RGS2: variants seen among roughly 807,000 people sequenced by gnomAD.
RGS2 encodes the protein regulator of G protein signaling 2, also known as G0 to G1 switch regulatory 8, 24kD.
A neutral mutation model predicts 26.6 loss-of-function variants in RGS2; 20 were observed. That is an observed-to-expected ratio of 0.75 (90% CI 0.53 to 1.09). The LOEUF is 1.09. Ranked by LOEUF, RGS2 falls within the 50% of genes least tolerant of loss-of-function variation. The probability of loss-of-function intolerance (pLI) is 0.00; values close to 1 mark genes in which losing one functional copy is unlikely to be tolerated. For missense variants in RGS2, 246 were observed against 245.5 expected (o/e 1.00, Z -0.01); for synonymous variants, 97 against 79.9 (o/e 1.21, Z -1.14).
rs757460149 is a variant in RGS2 at position 192,811,399 on chromosome 1, C to G, written c.442-3C>G. ...AATAAACAACTTTTTTGTTTTATTT[C>G]AGATAAACATAGATTTTCAAACCAA... On this transcript the variant is annotated splice_region_variant and splice_polypyrimidine_tract_variant and intron_variant, in intron 4 of 4. Transcript: ENST00000235382. 5 of 1,607,754 alleles carry G rather than the reference C, an allele frequency of 3.1e-6. No individual in the cohort carries two copies. In the South Asian group the frequency reaches 5.5e-5, roughly 18 times the overall value.
In RGS2 at chr1:192,812,007, G is replaced by T; in HGVS notation, c.*411G>T. On this transcript the variant is annotated 3_prime_UTR_variant, in exon 5 of 5. Coordinates refer to ENST00000235382, the MANE Select transcript of RGS2 (RefSeq NM_002923.4). ...GTTACCACATAGTAGTTTTAGTTTAGGATTCAGTAACAGTGAAGTGTTTAC... is the reference window on the plus strand; with the variant it reads ...GTTACCACATAGTAGTTTTAGTTTATGATTCAGTAACAGTGAAGTGTTTAC... The T allele has an allele frequency of 3.7e-6, 1 of 269,216 alleles. No homozygotes were observed. The highest frequency in any genetic ancestry group is 2.2e-5 in the African/African-American group (1 of 45,212). 16.7% of individuals were successfully genotyped at this position (269,216 alleles called of 1,614,324 possible).
At chr1:192,810,454 G>A in intron 3 of RGS2, 23 bp downstream of exon 3, 2 of 1,611,052 alleles carry the variant, frequency 1.2e-6, no homozygotes, top group Non-Finnish European at 1.7e-6. Flanking sequence ...TTGAGCTTGA[G>A]CCATTGCTAA....
At position 192,811,457 on chromosome 1, in the gene RGS2, C is replaced by G. The variant is rs866905003; in HGVS notation, c.497C>G (p.Thr166Arg). The G allele has an allele frequency of 2.5e-6, 4 of 1,613,950 alleles. No homozygotes were observed. The African/African-American group carries it at 5.3e-5, about 22-fold the overall frequency. ...ATTGCCCAGAATATACAAGAAGCTA[C>G]AAGTGGCTGCTTTACAACTGCCCAG... ...TLIAQNIQEA[T>R]SGCFTTAQKR... The change falls in exon 5 of 5, where the codon ACA becomes AGA. Residue 166 changes from threonine (T) to arginine (R), a missense_variant. Coordinates refer to ENST00000235382, the MANE Select transcript of RGS2 (RefSeq NM_002923.4).
In RGS2 at chr1:192,809,055, C is replaced by G. The variant is rs564483322; in HGVS notation, c.-17C>G. On this transcript the variant is annotated 5_prime_UTR_variant, in exon 1 of 5. Coordinates refer to ENST00000235382, the MANE Select transcript of RGS2 (RefSeq NM_002923.4). The stretch of plus-strand genomic sequence containing the variant: ...CGCCCAGCCGCAAACAGCCGGGGCT[C>G]CAGCGGGAGAACGATAATGCAAAGT... 149 of 1,589,294 alleles carry G rather than the reference C, an allele frequency of 9.4e-5. No individual in the cohort carries two copies. The Admixed American group carries it at 2.4e-3, about 25-fold the overall frequency.
In RGS2 at chr1:192,810,418, G is replaced by T; in HGVS notation, c.261G>T (p.Leu87=). ...AQLWSEAFDE[L]LASKYGLAAF... ...TGTGGTCAGAAGCATTTGACGAGCTGCTAGCCAGCAAATGTAAGTTAACTC... is the reference window on the plus strand; with the variant it reads ...TGTGGTCAGAAGCATTTGACGAGCTTCTAGCCAGCAAATGTAAGTTAACTC... Residue 87 remains leucine (L), a synonymous_variant, in exon 3 of 5, where the codon CTG becomes CTT. Coordinates refer to ENST00000235382, the MANE Select transcript of RGS2 (RefSeq NM_002923.4). 6.2e-7 allele frequency: 1 copy of T among 1,614,054 alleles called. No individual in the cohort carries two copies. Among genetic ancestry groups the T allele is most frequent in the Non-Finnish European group, 8.5e-7 (1 of 1,179,974 alleles).
intron 2 of RGS2, 35 bp from the exon 3 acceptor site, chr1:192,810,335 T>C (rs766126102): frequency 3.1e-6 from 5 of 1,609,210 alleles, no homozygotes; most frequent in South Asian, 1.1e-5. Flanking sequence ...GGAACTCTGA[T>C]GTGCGTAAGC....
rs1392810073 is a variant in RGS2 at position 192,811,079 on chromosome 1, C to A, written c.373C>A (p.Pro125Thr). 17 of 1,613,950 alleles carry A rather than the reference C, an allele frequency of 1.1e-5. No homozygotes were observed. The highest frequency in any genetic ancestry group is 1.4e-5 in the Non-Finnish European group (17 of 1,180,010). ...ACEDFKKTKS[P>T]QKLSSKARKI... ...TGAAGACTTCAAAAAAACCAAATCACCCCAAAAGCTGTCCTCAAAAGCAAG... is the reference window on the plus strand; with the variant it reads ...TGAAGACTTCAAAAAAACCAAATCAACCCAAAAGCTGTCCTCAAAAGCAAG... The change falls in exon 4 of 5, where the codon CCC becomes ACC. Residue 125 changes from proline (P) to threonine (T), a missense_variant. By Grantham distance (38) the Pro-to-Thr change is conservative. Coordinates refer to ENST00000235382, the MANE Select transcript of RGS2 (RefSeq NM_002923.4).
intron 3 of RGS2, 165 bp downstream of exon 3, chr1:192,810,596 G>A: frequency 1.4e-6 from 1 of 708,684 alleles, no homozygotes; most frequent in South Asian, 1.5e-5. Flanking sequence ...ACAAATAAAT[G>A]CATATATTCT....
At position 192,811,090 on chromosome 1, in the gene RGS2, G is replaced by C; in HGVS notation, c.384G>C (p.Leu128=). The C allele has an allele frequency of 6.2e-7, 1 of 1,614,102 alleles. No homozygotes were observed. Among genetic ancestry groups the C allele is most frequent in the African/African-American group, 1.3e-5 (1 of 75,024 alleles). ...DFKKTKSPQK[L]SSKARKIYTD... ...AAAAAACCAAATCACCCCAAAAGCTGTCCTCAAAAGCAAGGAAAATATATA... is the reference window on the plus strand; with the variant it reads ...AAAAAACCAAATCACCCCAAAAGCTCTCCTCAAAAGCAAGGAAAATATATA... The change falls in exon 4 of 5, where the codon CTG becomes CTC. Residue 128 remains leucine, a synonymous_variant. Transcript: ENST00000235382.
At chr1:192,810,707 G>A in intron 3 of RGS2, 1 of 609,422 alleles carries the variant, frequency 1.6e-6, no homozygotes, top group South Asian at 2.0e-5. Flanking sequence ...TTTTCAAGAG[G>A]CTTAGTTCCC....
In RGS2 at chr1:192,811,618, A is replaced by T; in HGVS notation, c.*22A>T. ...ATGAAATGTAAAAGGGAGCCCAGAA[A>T]TGGAGGACATTTCATTCTTTTTCCT... On this transcript the variant is annotated 3_prime_UTR_variant, in exon 5 of 5. Transcript: ENST00000235382. 1 of 1,607,572 alleles carries T rather than the reference A, an allele frequency of 6.2e-7. No homozygotes were observed. Among genetic ancestry groups the T allele is most frequent in the Non-Finnish European group, 8.5e-7 (1 of 1,174,060 alleles).
At position 192,811,993 on chromosome 1, in the gene RGS2, G is replaced by C. The variant is rs1209961903; in HGVS notation, c.*397G>C. ...CTAAATCGATCCATGTTACCACATA[G>C]TAGTTTTAGTTTAGGATTCAGTAAC... On this transcript the variant is annotated 3_prime_UTR_variant, in exon 5 of 5. Coordinates refer to ENST00000235382, the MANE Select transcript of RGS2 (RefSeq NM_002923.4). 6.7e-5 allele frequency: 19 copies of C among 281,588 alleles called. No individual in the cohort carries two copies. The Admixed American group carries it at 9.2e-4, about 14-fold the overall frequency. 17.4% of individuals were successfully genotyped at this position (281,588 alleles called of 1,614,324 possible). A position where few individuals can be genotyped will look rare whatever the true frequency, so the allele number is the denominator to read the frequency against.
intron 2 of RGS2, 30 bp from the exon 3 acceptor site, chr1:192,810,340 G>T: frequency 6.2e-7 from 1 of 1,611,062 alleles, no homozygotes; most frequent in Non-Finnish European, 8.5e-7. Context: ...TCTGATGTGC[G>T]TAAGCTAACA....
In RGS2 at chr1:192,809,231, A is replaced by T. The variant is rs74716343; in HGVS notation, c.110+50A>T. 5.8e-4 allele frequency: 760 copies of T among 1,301,686 alleles called. 7 individuals carry two copies. The African/African-American group carries it at 8.6e-3, about 15-fold the overall frequency. 80.6% of individuals were successfully genotyped at this position (1,301,686 alleles called of 1,614,324 possible). A position where few individuals can be genotyped will look rare whatever the true frequency, so the allele number is the denominator to read the frequency against. On this transcript the variant is annotated intron_variant, in intron 1 of 4. Coordinates refer to ENST00000235382, the MANE Select transcript of RGS2 (RefSeq NM_002923.4). ...CCGCCACCCCCTGCCCCACACTGCAAGCTGCAAACGCGGTACTTTCGGGCT... is the reference window on the plus strand; with the variant it reads ...CCGCCACCCCCTGCCCCACACTGCATGCTGCAAACGCGGTACTTTCGGGCT...
At position 192,812,158 on chromosome 1, in the gene RGS2, A is replaced by G. The variant is rs1459962128; in HGVS notation, c.*562A>G. 6.3e-6 allele frequency: 1 copy of G among 159,250 alleles called. No homozygotes were observed. Among genetic ancestry groups the G allele is most frequent in the East Asian group, 1.8e-4 (1 of 5,470 alleles). 9.9% of individuals were successfully genotyped at this position (159,250 alleles called of 1,614,324 possible). A position where few individuals can be genotyped will look rare whatever the true frequency, so the allele number is the denominator to read the frequency against. On this transcript the variant is annotated 3_prime_UTR_variant, in exon 5 of 5. Coordinates refer to ENST00000235382, the MANE Select transcript of RGS2 (RefSeq NM_002923.4). ...TGATGTGTGAAATAGAATGAGTGCTATGGTGTTGAAAACTGCAGTGTCCGT... is the reference window on the plus strand; with the variant it reads ...TGATGTGTGAAATAGAATGAGTGCTGTGGTGTTGAAAACTGCAGTGTCCGT...
At chr1:192,809,617 G>T in intron 1 of RGS2, 1 of 290,028 alleles carries the variant, frequency 3.4e-6, no homozygotes, top group Non-Finnish European at 6.8e-6. Context: ...CACCCAGTCC[G>T]AATGTGGAAC....
intron 1 of RGS2, chr1:192,809,402 T>G (rs1411350967): frequency 3.6e-6 from 2 of 556,162 alleles, no homozygotes; most frequent in African/African-American, 1.9e-5. Flanking sequence ...CGGTGGTTGA[T>G]GCGCTAAGAA....
chr1:192,811,450 G>A lies in RGS2; in HGVS notation c.490G>A (p.Glu164Lys), dbSNP rs1665591001. ...TKTLIAQNIQ[E>K]ATSGCFTTAQ... ...AACTCTGATTGCCCAGAATATACAA[G>A]AAGCTACAAGTGGCTGCTTTACAAC... is the stretch of plus-strand genomic sequence containing the variant. The change falls in exon 5 of 5, where the codon GAA becomes AAA. Residue 164 changes from glutamate to lysine, a missense_variant. Physicochemically the swap from Glu to Lys is moderately conservative, Grantham distance 56. Transcript: ENST00000235382. 3 of 1,613,872 alleles carry A rather than the reference G, an allele frequency of 1.9e-6. No individual in the cohort carries two copies. Among genetic ancestry groups the A allele is most frequent in the Admixed American group, 1.7e-5 (1 of 59,988 alleles).
In RGS2 at chr1:192,811,908, CAT is replaced by C; in HGVS notation, c.*313_*314del. On this transcript the variant is annotated 3_prime_UTR_variant, in exon 5 of 5. Transcript: ENST00000235382. ...CAATGTAATACTGTTGGTCCAAAAG[CAT>C]TTAAAATCAATAGATCTGGGATTAT... is the stretch of plus-strand genomic sequence containing the variant. 1.6e-5 allele frequency: 6 copies of C among 386,160 alleles called. No homozygotes were observed. Among genetic ancestry groups the C allele is most frequent in the South Asian group, 1.5e-4 (6 of 40,694 alleles). 23.9% of individuals were successfully genotyped at this position (386,160 alleles called of 1,614,324 possible). A position where few individuals can be genotyped will look rare whatever the true frequency, so the allele number is the denominator to read the frequency against.
Sources: gnomAD v4.1 joint callset for allele counts on GRCh38, gnomAD v4.1.1 for gene constraint, MANE v1.5 for transcripts, NCBI Gene and HGNC (gene_info 2026-07-23, HGNC 2026-07-21) for gene names.